The following ADAMTS12 variants were observed in gnomAD, a reference collection of about 807,000 sequenced individuals.
ADAMTS12 encodes A disintegrin and metalloproteinase with thrombospondin motifs 12.
A neutral mutation model predicts 167.8 loss-of-function variants in ADAMTS12; 118 were observed. That is an observed-to-expected ratio of 0.70 (90% CI 0.61 to 0.82). The LOEUF is 0.82. ADAMTS12 is among the 40% of genes least tolerant of loss of function. The probability of loss-of-function intolerance (pLI) is 0.00; values close to 1 mark genes in which losing one functional copy is unlikely to be tolerated. For missense variants in ADAMTS12, 1,916 were observed against 1,998.8 expected, an observed-to-expected ratio of 0.96 and a Z score of 0.79; for synonymous variants, 704 against 716.9, an observed-to-expected ratio of 0.98 and a Z score of 0.29.
intron 19 of ADAMTS12, among the ~76,000 whole-genome samples, chr5:33,571,064 C>T (rs1746310690): frequency 6.6e-6 from 1 of 152,150 alleles, no homozygotes; most frequent in Admixed American, 6.5e-5. Flanking sequence ...AATATATATG[C>T]ACCCAATACA....
chr5:33,540,193 C>T (rs540571129), intron 22 of ADAMTS12, among the ~76,000 whole-genome samples: 67 of 152,358 alleles, frequency 4.4e-4, no homozygotes, highest in African/African-American at 1.5e-3. Context: ...ACTCACGGAG[C>T]CTTGCTCATT....
At chr5:33,647,671 C>A (rs1462950893) in intron 9 of ADAMTS12, among the ~76,000 whole-genome samples, 1 of 152,168 alleles carries the variant, frequency 6.6e-6, no homozygotes, top group African/African-American at 2.4e-5. Context: ...GCAGAGGTTG[C>A]AGTGAGCCAA....
At chr5:33,730,178 G>A (rs1204761015) in intron 3 of ADAMTS12, among the ~76,000 whole-genome samples, 1 of 152,102 alleles carries the variant, frequency 6.6e-6, no homozygotes, top group Non-Finnish European at 1.5e-5. Flanking sequence ...GTGTGATATG[G>A]GATTAGACAC....
In ADAMTS12 at chr5:33,821,422, C is replaced by T. The variant is rs143743810; in HGVS notation, c.489+59697G>A. ...TAGTTTGTTTCCAATTTATGTATTT[C>T]GTTATTATAGCCAATACTGTTGTAA... On this transcript the variant is annotated intron_variant, in intron 2 of 23. Transcript: ENST00000504830. Among the ~76,000 whole-genome samples, 1,084 of 152,056 alleles carry T rather than the reference C, an allele frequency of 7.1e-3. 12 individuals carry two copies. The highest frequency in any genetic ancestry group is 0.025 in the African/African-American group (1,043 of 41,466).
rs542837264 is a variant in ADAMTS12 at position 33,552,178 on chromosome 5, T to C, written c.4126-2795A>G. Among the ~76,000 whole-genome samples the C allele has an allele frequency of 9.2e-5, 14 of 152,334 alleles. No individual in the cohort carries two copies. In the East Asian group the frequency reaches 1.5e-3, roughly 17 times the overall value. ...CAGAGGTAAAATGAAATCAAAACCTTTTCTTTCTTGTGCTATTTTTGATTT... is the reference window on the plus strand; with the variant it reads ...CAGAGGTAAAATGAAATCAAAACCTCTTCTTTCTTGTGCTATTTTTGATTT... On this transcript the variant is annotated intron_variant, in intron 20 of 23. Coordinates refer to ENST00000504830, the MANE Select transcript of ADAMTS12 (RefSeq NM_030955.4).
Position 33,683,976 on chromosome 5 carries a change from A to C in ADAMTS12, c.714T>G (p.Ser238=). Residue 238 remains serine (S), a synonymous_variant, in exon 4 of 24, where the codon TCT becomes TCG. Coordinates refer to ENST00000504830, the MANE Select transcript of ADAMTS12 (RefSeq NM_030955.4). ...ATCTCTCCTTGCTGATGGAACGCCG[A>C]GAGAGGCTTCTGCTTGGCAAGTTGT... The part of the protein sequence containing the change: ...ERHNLPSRSL[S]RRSISKERWV... The C allele has an allele frequency of 1.2e-6, 2 of 1,612,474 alleles. No homozygotes were observed. Among genetic ancestry groups the C allele is most frequent in the Non-Finnish European group, 1.7e-6 (2 of 1,179,414 alleles).
intron 2 of ADAMTS12, among the ~76,000 whole-genome samples, chr5:33,831,182 C>A (rs1433383441): frequency 1.3e-5 from 2 of 152,194 alleles, no homozygotes; most frequent in Non-Finnish European, 2.9e-5. Flanking sequence ...CTATGACATT[C>A]TTTTAAGCAT....
At chr5:33,643,331 A>ACTCT (rs1740536666) in intron 10 of ADAMTS12, 47 bp downstream of exon 10, 1 of 1,599,250 alleles carries the variant, frequency 6.3e-7, no homozygotes, top group African/African-American at 1.3e-5. Flanking sequence ...CCTCCCAAGA[A>ACTCT]CTCTGCCCAC....
intron 2 of ADAMTS12, among the ~76,000 whole-genome samples, chr5:33,789,594 T>C (rs1746452006): frequency 1.3e-5 from 2 of 152,104 alleles, no homozygotes; most frequent in Admixed American, 1.3e-4. Context: ...CTGCGTAGAG[T>C]ACCTCAACAG....
intron 2 of ADAMTS12, among the ~76,000 whole-genome samples, chr5:33,759,531 C>A (rs1745277641): frequency 6.6e-6 from 1 of 152,074 alleles, no homozygotes; most frequent in Admixed American, 6.5e-5. Flanking sequence ...GAAAATGACC[C>A]CAAACAGTGC....
chr5:33,784,839 AT>A (rs1229972922), intron 2 of ADAMTS12, among the ~76,000 whole-genome samples: 2 of 152,124 alleles, frequency 1.3e-5, no homozygotes, highest in Non-Finnish European at 2.9e-5. Flanking sequence ...TAACATTTAT[AT>A]TGAAATAAAA....
chr5:33,804,791 C>T (rs1050711252), intron 2 of ADAMTS12, among the ~76,000 whole-genome samples: 3 of 152,130 alleles, frequency 2.0e-5, no homozygotes, highest in Admixed American at 1.3e-4. Context: ...ATACCTGATC[C>T]GCTCACCATC....
In ADAMTS12 at chr5:33,799,874, C is replaced by T. The variant is rs553312266; in HGVS notation, c.490-48326G>A. Among the ~76,000 whole-genome samples the T allele has an allele frequency of 1.1e-4, 16 of 152,270 alleles. No individual in the cohort carries two copies. In the South Asian group the frequency reaches 2.7e-3, roughly 26 times the overall value. ...TATATGTGACATACACAATCTTCTCCTCAATCCAGATAAGGGCAACTGAGA... is the reference window on the plus strand; with the variant it reads ...TATATGTGACATACACAATCTTCTCTTCAATCCAGATAAGGGCAACTGAGA... On this transcript the variant is annotated intron_variant, in intron 2 of 23. Coordinates refer to ENST00000504830, the MANE Select transcript of ADAMTS12 (RefSeq NM_030955.4).
chr5:33,568,757 C>T (rs2111922228), intron 19 of ADAMTS12, among the ~76,000 whole-genome samples: 1 of 152,342 alleles, frequency 6.6e-6, no homozygotes, highest in African/African-American at 2.4e-5. Flanking sequence ...ACAGTGGGTG[C>T]AGCGCACCGT....
chr5:33,641,750 G>GC (rs1253370295), intron 11 of ADAMTS12, 60 bp downstream of exon 11: 1 of 1,462,906 alleles, frequency 6.8e-7, no homozygotes. Flanking sequence ...ATTCAAGACT[G>GC]CCCCCCATCC....
intron 18 of ADAMTS12, among the ~76,000 whole-genome samples, chr5:33,587,257 G>T (rs949028860): frequency 6.6e-6 from 1 of 152,106 alleles, no homozygotes; most frequent in Non-Finnish European, 1.5e-5. Flanking sequence ...TTTTCTTTCA[G>T]AGCAGGTGAA....
In ADAMTS12 at chr5:33,648,918, C is replaced by T. The variant is rs1384835680; in HGVS notation, c.1383G>A (p.Leu461=). The part of the protein sequence containing the change: ...CLDDIPKKKG[L]KSKVIAPGVI... ...CTCCGGGGGCAATGACCTTGGACTT[C>T]AAGCCTTTCTTTTTAGGTATGTCAT... The change falls in exon 9 of 24, where the codon TTG becomes TTA. Residue 461 remains leucine, a synonymous_variant. Transcript: ENST00000504830. The T allele has an allele frequency of 6.2e-7, 1 of 1,614,100 alleles. No individual in the cohort carries two copies. The highest frequency in any genetic ancestry group is 1.3e-5 in the African/African-American group (1 of 75,036).
chr5:33,861,764 C>T (rs1188810005), intron 2 of ADAMTS12, among the ~76,000 whole-genome samples: 1 of 152,158 alleles, frequency 6.6e-6, no homozygotes, highest in African/African-American at 2.4e-5. Flanking sequence ...CTAAAATTGA[C>T]CACATAATTG....
At chr5:33,565,815 A>C (rs1007260745) in intron 19 of ADAMTS12, among the ~76,000 whole-genome samples, 4 of 152,062 alleles carry the variant, frequency 2.6e-5, no homozygotes, top group African/African-American at 4.8e-5. Flanking sequence ...TTAACCTTTG[A>C]GCTCAAACAG....
Sources: allele counts gnomAD v4.1 joint callset (sites outside exome capture counted in the v4.1 genomes callset), GRCh38; gene constraint gnomAD v4.1.1; transcripts MANE v1.5; gene names NCBI Gene and HGNC (gene_info 2026-07-23, HGNC 2026-07-21).